Variants in KMT2D observed in about 807,000 individuals in gnomAD.
KMT2D encodes the protein lysine methyltransferase 2D.
Under a neutral mutation model 512.7 loss-of-function variants are expected in KMT2D, and 55 were observed. The observed-to-expected ratio is 0.11, with a 90% CI of 0.09 to 0.13. KMT2D has a LOEUF of 0.13. Among genes scored for constraint, KMT2D ranks in the 10% least tolerant of loss-of-function variants. The probability of loss-of-function intolerance (pLI) is 1.00; values close to 1 mark genes in which losing one functional copy is unlikely to be tolerated. For synonymous variants in KMT2D, 2,995 were observed against 2,904.0 expected, an observed-to-expected ratio of 1.03 and a Z score of -1.01; for missense variants, 6,061 against 7,127.9, an observed-to-expected ratio of 0.85 and a Z score of 5.39.
intron 43 of KMT2D, 22 bp from the exon 44 acceptor site, chr12:49,029,498 G>A (rs1565767212): frequency 6.5e-7 from 1 of 1,544,560 alleles, no homozygotes; most frequent in Non-Finnish European, 8.8e-7. Flanking sequence ...GTAGGGAGAA[G>A]AAAAGTCAGG....
rs777630263 is a variant in KMT2D, at chr12:49,031,671, T to C, written c.13034A>G (p.Lys4345Arg). The change falls in exon 40 of 55, where the codon AAA (lysine) becomes AGA (arginine). Residue 4345 changes from lysine to arginine, a missense_variant. Lys to Arg is a conservative substitution (Grantham distance 26). This residue lies in a region of KMT2D where 1,600 missense variants were observed against 1,754.9 expected (regional missense o/e 0.91). Transcript: ENST00000301067. ...QLPPTHPGTP[K>R]PQGPTLEPPP... Reference sequence around the variant, plus strand: ...CGGCTCCAAGGTTGGCCCCTGAGGTTTGGGGGTCCCTGGATGGGTGGGAGG... The same window carrying C: ...CGGCTCCAAGGTTGGCCCCTGAGGTCTGGGGGTCCCTGGATGGGTGGGAGG... The C allele has an allele frequency of 1.9e-5, 30 of 1,610,316 alleles. No homozygotes were observed. Among genetic ancestry groups the C allele is most frequent in the African/African-American group, 2.7e-5 (2 of 74,842 alleles).
rs1943766745 is a variant in KMT2D, at chr12:49,046,005, T to C, written c.4694-38A>G. 6.2e-7 allele frequency: 1 copy of C among 1,613,422 alleles called. No individual in the cohort carries two copies. Among genetic ancestry groups the C allele is most frequent in the South Asian group, 1.1e-5 (1 of 91,010 alleles). The stretch of plus-strand genomic sequence containing the variant: ...GGACAAACGGAGGTGGCTGAGGTCC[T>C]GTCCCAAAGCAAGGTACCCCTGCTC... On this transcript the variant is annotated intron_variant, in intron 18 of 54. Coordinates refer to ENST00000301067, the MANE Select transcript of KMT2D (RefSeq NM_003482.4). This position sits in a 1 kb window ranked among gnomAD's most constrained non-coding sequence, Gnocchi z 4.2.
intron 15 of KMT2D, among the ~76,000 whole-genome samples, chr12:49,047,045 C>A (rs576618246): frequency 6.6e-6 from 1 of 152,150 alleles, no homozygotes; most frequent in South Asian, 2.1e-4. Flanking sequence ...AGAGTTTCAC[C>A]ATGTTAGTCA....
In KMT2D at chr12:49,019,121, C is replaced by T; in HGVS notation, c.*2659G>A. ...ACAAAACATGCCAAGGACAGGGGCG[C>T]TGAGGGTGGAGGGAGAGAGGGCGCT... is the stretch of plus-strand genomic sequence containing the variant. On this transcript the variant is annotated 3_prime_UTR_variant, in exon 55 of 55. Transcript: ENST00000301067. The T allele has an allele frequency of 2.6e-6, 3 of 1,159,150 alleles. No individual in the cohort carries two copies. The highest frequency in any genetic ancestry group is 5.6e-5 in the South Asian group (2 of 35,846). 71.8% of individuals were successfully genotyped at this position (1,159,150 alleles called of 1,614,324 possible).
Position 49,043,777 on chromosome 12 carries a change from G to A in KMT2D, c.5325C>T (p.Ala1775=), listed in dbSNP as rs2120573163. The A allele has an allele frequency of 1.9e-6, 3 of 1,612,530 alleles. No individual in the cohort carries two copies. Among genetic ancestry groups the A allele is most frequent in the Non-Finnish European group, 2.5e-6 (3 of 1,178,870 alleles). Residue 1775 remains alanine (A), a synonymous_variant, in exon 24 of 55, where the codon GCC becomes GCT. Coordinates refer to ENST00000301067, the MANE Select transcript of KMT2D (RefSeq NM_003482.4). ...GGTCCAGCAGCTCCTTCCCAAAGAA[G>A]GCTTCCTGTGGGGCAGTCAAGGAGA... ...EDMFPAYLQE[A]FFGKELLDLS...
chr12:49,045,598 TG>T (rs1312114427), intron 19 of KMT2D, among the ~76,000 whole-genome samples: 3 of 148,666 alleles, frequency 2.0e-5, no homozygotes, highest in Non-Finnish European at 4.4e-5. Flanking sequence ...GTGCCAAGCT[TG>T]TGCCACTGCA....
In KMT2D at chr12:49,049,712, G is replaced by T; in HGVS notation, c.3876C>A (p.Arg1292=). ...GKAEGEKGRR[R]SSPARSRIKQ... is the part of the protein sequence containing the mutation. ...TGATGCGGGAACGGGCTGGGGAGCT[G>T]CGCCGCCGCCCCTTCTCCCCCTCAG... The change falls in exon 12 of 55, where the codon CGC becomes CGA. Residue 1292 remains arginine, a synonymous_variant. Transcript: ENST00000301067. 6.3e-7 allele frequency: 1 copy of T among 1,597,870 alleles called. No homozygotes were observed. Among genetic ancestry groups the T allele is most frequent in the Non-Finnish European group, 8.6e-7 (1 of 1,167,748 alleles).
intron 14 of KMT2D, 88 bp downstream of exon 14, chr12:49,048,571 C>CT: frequency 1.2e-6 from 1 of 821,694 alleles, no homozygotes; most frequent in Non-Finnish European, 2.0e-6. Flanking sequence ...GCTGGGTATC[C>CT]CCAAAGTAGG....
rs2120655059 is a variant in KMT2D at position 49,050,668 on chromosome 12, C to G, written c.2920G>C (p.Ala974Pro). Residue 974 changes from alanine (A) to proline (P), a missense_variant, in exon 12 of 55, where the codon GCT becomes CCT. Ala to Pro is a conservative substitution (Grantham distance 27). Around this residue, in one of 16 missense-constraint regions of KMT2D, gnomAD observed 848 missense variants for 838.5 expected, o/e 1.01. Transcript: ENST00000301067. ...ATGGGTGTCTCCAGGATGGGGGCAG[C>G]CAACGGTGACTCAGGGTCACTGTCC... is the stretch of plus-strand genomic sequence containing the variant. ...KGDSDPESPL[A>P]APILETPISP... 6.2e-7 allele frequency: 1 copy of G among 1,613,460 alleles called. No individual in the cohort carries two copies. The highest frequency in any genetic ancestry group is 8.5e-7 in the Non-Finnish European group (1 of 1,179,722).
Position 49,027,177 on chromosome 12 carries a change from G to A in KMT2D, c.14789C>T (p.Thr4930Ile), listed in dbSNP as rs2120369103. The A allele has an allele frequency of 1.3e-6, 2 of 1,552,780 alleles. No individual in the cohort carries two copies. The highest frequency in any genetic ancestry group is 1.2e-5 in the South Asian group (1 of 80,844). Residue 4930 changes from threonine to isoleucine, a missense_variant, in exon 49 of 55, where the codon ACT becomes ATT. Physicochemically the swap from Thr to Ile is moderately conservative, Grantham distance 89. Coordinates refer to ENST00000301067, the MANE Select transcript of KMT2D (RefSeq NM_003482.4). The stretch of plus-strand genomic sequence containing the variant: ...GGTGGGAAGTTCAACCAAGGGCTCA[G>A]TAGGGGGACTGGCAGGAGAAGGTGC... ...PLAPSPASPP[T>I]EPLVELPTEP...
In KMT2D at chr12:49,054,921, T is replaced by C. The variant is rs1565825639; in HGVS notation, c.155A>G (p.Gln52Arg). The C allele has an allele frequency of 1.9e-6, 3 of 1,614,012 alleles. No individual in the cohort carries two copies. The highest frequency in any genetic ancestry group is 2.5e-6 in the Non-Finnish European group (3 of 1,179,882). ...CTACCTGCAGTCCTGAGGAGTCTCC[T>C]GAAGCCTGGGACTCCCAGAACTAAG... The part of the protein sequence containing the change: ...SVLSSGSPRL[Q>R]ETPQDCSGGP... Residue 52 changes from glutamine to arginine, a missense_variant, in exon 3 of 55, where the codon CAG becomes CGG. Physicochemically the swap from Gln to Arg is conservative, Grantham distance 43. Transcript: ENST00000301067. The surrounding 1 kb of genome is among the most constrained non-coding windows in gnomAD (Gnocchi z 6.4).
chr12:49,020,946 C>G lies in KMT2D; in HGVS notation c.*834G>C, dbSNP rs1158955578. ...ACCATCCCATGCCCATAATTAAAAACAAAGATGGATTTTTTGTTGTTGTTT... is the reference window on the plus strand; with the variant it reads ...ACCATCCCATGCCCATAATTAAAAAGAAAGATGGATTTTTTGTTGTTGTTT... On this transcript the variant is annotated 3_prime_UTR_variant, in exon 55 of 55. Coordinates refer to ENST00000301067, the MANE Select transcript of KMT2D (RefSeq NM_003482.4). The G allele has an allele frequency of 9.7e-5, 19 of 196,028 alleles. No homozygotes were observed. In the Admixed American group the frequency reaches 1.2e-3, roughly 12 times the overall value. 12.1% of individuals were successfully genotyped at this position (196,028 alleles called of 1,614,324 possible).
chr12:49,041,718 G>T lies in KMT2D; in HGVS notation c.6184-13C>A. 1 of 1,607,914 alleles carries T rather than the reference G, an allele frequency of 6.2e-7. No individual in the cohort carries two copies. The highest frequency in any genetic ancestry group is 1.1e-5 in the South Asian group (1 of 90,268). On this transcript the variant is annotated splice_polypyrimidine_tract_variant and intron_variant, in intron 30 of 54. Coordinates refer to ENST00000301067, the MANE Select transcript of KMT2D (RefSeq NM_003482.4). The surrounding 1 kb of genome is among the most constrained non-coding windows in gnomAD (Gnocchi z 5.4). Reference sequence around the variant, plus strand: ...CTTTGGCCTTTTGCTGAGGGATATGGGACACAGCCTTAGGGCCTAGTGCTT... The same window carrying T: ...CTTTGGCCTTTTGCTGAGGGATATGTGACACAGCCTTAGGGCCTAGTGCTT...
intron 14 of KMT2D, 83 bp downstream of exon 14, chr12:49,048,576 A>G (rs1937700693): frequency 1.1e-6 from 1 of 885,294 alleles, no homozygotes. Flanking sequence ...GTATCCCCAA[A>G]GTAGGTCCAG....
chr12:49,022,773 T>C lies in KMT2D; in HGVS notation c.16155A>G (p.Ser5385=), dbSNP rs1231132575. 6.2e-7 allele frequency: 1 copy of C among 1,614,008 alleles called. No individual in the cohort carries two copies. ...PYSKQFVHSK[S]SQYRRLRTEW... ...CGGTGCGCAGCCGCCGGTACTGAGA[T>C]GACTTGGAGTGCACAAACTGCTTGC... Residue 5385 remains serine (S), a synonymous_variant, in exon 52 of 55, where the codon TCA becomes TCG. Transcript: ENST00000301067. The surrounding 1 kb of genome is among the most constrained non-coding windows in gnomAD (Gnocchi z 8.6).
Position 49,032,494 on chromosome 12 carries a change from C to A in KMT2D, c.12211G>T (p.Gly4071Trp). The change falls in exon 40 of 55, where the codon GGG becomes TGG. Residue 4071 changes from glycine (G) to tryptophan (W), a missense_variant. This residue lies in a region of KMT2D where 1,600 missense variants were observed against 1,754.9 expected (regional missense o/e 0.91). Coordinates refer to ENST00000301067, the MANE Select transcript of KMT2D (RefSeq NM_003482.4). ...TGGACAAGCAGGAGTTGTGAGTCCC[C>A]AGAGAGTGAGGGCTTTACCTCTCCT... ...EPGEVKPSLS[G>W]DSQLLLVQPQ... 6.4e-7 allele frequency: 1 copy of A among 1,572,558 alleles called. No individual in the cohort carries two copies. Among genetic ancestry groups the A allele is most frequent in the African/African-American group, 1.4e-5 (1 of 73,970 alleles).
At position 49,024,909 on chromosome 12, in the gene KMT2D, C is replaced by T. The variant is rs934240547; in HGVS notation, c.15822G>A (p.Met5274Ile). 1.3e-6 allele frequency: 2 copies of T among 1,599,484 alleles called. No individual in the cohort carries two copies. Among genetic ancestry groups the T allele is most frequent in the Non-Finnish European group, 1.7e-6 (2 of 1,173,224 alleles). The stretch of plus-strand genomic sequence containing the variant: ...GTCGCAGCATGTCAGCCTCTTTTCT[C>T]ATGGCAGCCACAGGCTCAATGATGC... ...WNRIIEPVAAMRKEADMLRLF... is the reference protein window; with the variant it reads ...WNRIIEPVAAIRKEADMLRLF... The change falls in exon 50 of 55, where the codon ATG becomes ATA. Residue 5274 changes from methionine to isoleucine, a missense_variant. Transcript: ENST00000301067. This position sits in a 1 kb window ranked among gnomAD's most constrained non-coding sequence, Gnocchi z 4.5.
chr12:49,051,362 G>C lies in KMT2D; in HGVS notation c.2321C>G (p.Pro774Arg), dbSNP rs1555196948. The C allele has an allele frequency of 6.2e-7, 1 of 1,609,590 alleles. No individual in the cohort carries two copies. Among genetic ancestry groups the C allele is most frequent in the Non-Finnish European group, 8.5e-7 (1 of 1,177,724 alleles). The change falls in exon 11 of 55, where the codon CCT becomes CGT. Residue 774 changes from proline (P) to arginine (R), a missense_variant. Physicochemically the swap from Pro to Arg is moderately radical, Grantham distance 103. Coordinates refer to ENST00000301067, the MANE Select transcript of KMT2D (RefSeq NM_003482.4). ...QAEEPHLSPQ[P>R]EEPCLCAVPE... is the part of the protein sequence containing the mutation. ...CACAGCGCATAGGCATGGCTCCTCAGGCTGGGGGGACAGGTGTGGCTCCTC... is the reference window on the plus strand; with the variant it reads ...CACAGCGCATAGGCATGGCTCCTCACGCTGGGGGGACAGGTGTGGCTCCTC...
intron 1 of KMT2D, among the ~76,000 whole-genome samples, chr12:49,057,045 C>T (rs577903096): frequency 9.9e-5 from 15 of 152,282 alleles, no homozygotes; most frequent in African/African-American, 3.6e-4. Context: ...GCCACACAAC[C>T]ACATTCGAAA....
Sources: allele counts gnomAD v4.1 joint callset (sites outside exome capture counted in the v4.1 genomes callset), GRCh38; gene constraint gnomAD v4.1.1; regional missense constraint gnomAD v4.1.1; non-coding constraint Gnocchi (gnomAD v3.1); transcripts MANE v1.5; gene names NCBI Gene and HGNC (gene_info 2026-07-23, HGNC 2026-07-21).